The following TCP11L1 variants were observed in gnomAD, a reference collection of about 807,000 sequenced individuals.
TCP11L1 encodes t-complex 11 like 1, also known as T-complex protein 11-like protein 1.
A neutral mutation model predicts 48.9 loss-of-function variants in TCP11L1; 28 were observed. The observed-to-expected ratio is 0.57, with a 90% CI of 0.42 to 0.78. TCP11L1 has a LOEUF of 0.78. Among genes scored for constraint, TCP11L1 ranks in the 30% least tolerant of loss-of-function variants. The probability of loss-of-function intolerance (pLI) is 0.00; values close to 1 mark genes in which losing one functional copy is unlikely to be tolerated. For synonymous variants in TCP11L1, 204 were observed against 231.9 expected (o/e 0.88, Z 1.09); for missense variants, 505 against 613.4 (o/e 0.82, Z 1.87).
chr11:33,057,877 G>C, intron 4 of TCP11L1, 42 bp from the exon 5 acceptor site: 1 of 1,517,978 alleles, frequency 6.6e-7, no homozygotes, highest in Non-Finnish European at 8.9e-7. Context: ...TAGAAATGAT[G>C]TCTAAAGAAT....
intron 2 of TCP11L1, among the ~76,000 whole-genome samples, chr11:33,045,332 G>A (rs766013449): frequency 6.9e-6 from 1 of 144,856 alleles, no homozygotes; most frequent in Non-Finnish European, 1.5e-5. Flanking sequence ...CCGTCTGGGT[G>A]ACAAAGTAAG....
Position 33,059,003 on chromosome 11 carries a change from A to G in TCP11L1, c.683A>G (p.Asn228Ser), listed in dbSNP as rs1308099045. ...VLDLMKVDMA[N>S]FAISSIRPHL... ...GACCTAATGAAAGTGGACATGGCCAACTTTGCTATCAGTAGCATCAGGCCT... is the reference window on the plus strand; with the variant it reads ...GACCTAATGAAAGTGGACATGGCCAGCTTTGCTATCAGTAGCATCAGGCCT... The change falls in exon 6 of 10, where the codon AAC becomes AGC. Residue 228 changes from asparagine (N) to serine (S), a missense_variant. Coordinates refer to ENST00000334274, the MANE Select transcript of TCP11L1 (RefSeq NM_018393.4). 4 of 1,614,076 alleles carry G rather than the reference A, an allele frequency of 2.5e-6. No individual in the cohort carries two copies. The highest frequency in any genetic ancestry group is 2.2e-5 in the South Asian group (2 of 91,082).
At chr11:33,063,707 G>T (rs1854530464) in intron 7 of TCP11L1, among the ~76,000 whole-genome samples, 1 of 152,066 alleles carries the variant, frequency 6.6e-6, no homozygotes, top group African/African-American at 2.4e-5. Context: ...CTCTCTTTTT[G>T]GGGGGTACGT....
intron 9 of TCP11L1, among the ~76,000 whole-genome samples, chr11:33,069,819 C>G (rs1854725394): frequency 3.3e-5 from 5 of 152,118 alleles, no homozygotes. Context: ...GTTGGCCAGG[C>G]TGGTCTCAAA....
At chr11:33,049,875 T>TGGG (rs966946961) in intron 2 of TCP11L1, among the ~76,000 whole-genome samples, 8 of 152,170 alleles carry the variant, frequency 5.3e-5, no homozygotes, top group African/African-American at 1.9e-4. Context: ...GGTGTTGGGC[T>TGGG]GGGGGATGAT....
chr11:33,068,813 G>A lies in TCP11L1; in HGVS notation c.1281G>A (p.Gln427=). Reference sequence around the variant, plus strand: ...ACAAGGAGACCGTGCTCAAGGGCCAGATCCAGGCCGTGGCCAGTCCCGATG... The same window carrying A: ...ACAAGGAGACCGTGCTCAAGGGCCAAATCCAGGCCGTGGCCAGTCCCGATG... ...TTDKETVLKG[Q]IQAVASPDDP... Residue 427 remains glutamine, a synonymous_variant, in exon 9 of 10, where the codon CAG becomes CAA. Coordinates refer to ENST00000334274, the MANE Select transcript of TCP11L1 (RefSeq NM_018393.4). The A allele has an allele frequency of 6.2e-7, 1 of 1,614,170 alleles. No individual in the cohort carries two copies. The highest frequency in any genetic ancestry group is 8.5e-7 in the Non-Finnish European group (1 of 1,180,016).
chr11:33,046,628 G>T (rs1256345723), intron 2 of TCP11L1, among the ~76,000 whole-genome samples: 2 of 152,200 alleles, frequency 1.3e-5, no homozygotes, highest in Non-Finnish European at 2.9e-5. Context: ...CCTTTTGGCT[G>T]CCTTCCTATT....
chr11:33,056,886 A>G (rs184302265), intron 3 of TCP11L1, among the ~76,000 whole-genome samples: 1 of 152,230 alleles, frequency 6.6e-6, no homozygotes, highest in African/African-American at 2.4e-5. Context: ...AATGTTGGCT[A>G]TCCAGTTAGT....
chr11:33,070,188 G>A (rs1854740200), intron 9 of TCP11L1, among the ~76,000 whole-genome samples: 1 of 152,108 alleles, frequency 6.6e-6, no homozygotes, highest in African/African-American at 2.4e-5. Context: ...GGCTGAGGCA[G>A]GAGGATCACT....
Position 33,065,835 on chromosome 11 carries a change from T to A in TCP11L1, c.978T>A (p.Val326=), listed in dbSNP as rs1181203737. 2.5e-6 allele frequency: 4 copies of A among 1,613,576 alleles called. No individual in the cohort carries two copies. Among genetic ancestry groups the A allele is most frequent in the Non-Finnish European group, 3.4e-6 (4 of 1,179,762 alleles). Residue 326 remains valine, a synonymous_variant, in exon 8 of 10, where the codon GTT becomes GTA. Transcript: ENST00000334274. ...GCCTCTTCTATTCATTACAGACAGT[T>A]TTAATGGACCAGTCTCGCTTCCACG... ...DHLQRPFPET[V]LMDQSRFHEL...
intron 8 of TCP11L1, 130 bp downstream of exon 8, chr11:33,066,141 T>G (rs1427256649): frequency 8.2e-7 from 1 of 1,220,470 alleles, no homozygotes; most frequent in Admixed American, 2.4e-5. Flanking sequence ...GAAACCTTGC[T>G]GTCTCAGTTG....
chr11:33,070,220 G>A (rs1854741276), intron 9 of TCP11L1, among the ~76,000 whole-genome samples: 1 of 152,162 alleles, frequency 6.6e-6, no homozygotes, highest in East Asian at 1.9e-4. Flanking sequence ...GTTTGAGGCT[G>A]CAGTGAGCTA....
chr11:33,062,831 T>A (rs1381983358), intron 7 of TCP11L1, among the ~76,000 whole-genome samples: 1 of 152,250 alleles, frequency 6.6e-6, no homozygotes, highest in African/African-American at 2.4e-5. Context: ...TTCATTTATG[T>A]TGTAGTATGT....
chr11:33,043,701 C>T, intron 1 of TCP11L1, 49 bp from the exon 2 acceptor site: 1 of 1,481,050 alleles, frequency 6.8e-7, no homozygotes. Context: ...TAGTTGGTGA[C>T]AGAGCTAGAA....
chr11:33,044,659 G>A (rs1026358782), intron 2 of TCP11L1, among the ~76,000 whole-genome samples: 3 of 152,078 alleles, frequency 2.0e-5, no homozygotes, highest in Non-Finnish European at 2.9e-5. Context: ...TGGGTTTTGG[G>A]GTGTGTTTCT....
rs966541478 is a variant in TCP11L1, at chr11:33,059,199, A to C, written c.775+104A>C. 2.8e-6 allele frequency: 4 copies of C among 1,439,678 alleles called. No homozygotes were observed. The South Asian group carries it at 5.5e-5, about 20-fold the overall frequency. The allele number at this position is 1,439,678 out of a possible 1,614,324, so 89.2% of individuals were successfully genotyped here. ...TATTTTCAGAACAAAACTAAAATTT[A>C]GTAGGAGAATAGTCTAATTTGAAGA... On this transcript the variant is annotated intron_variant, in intron 6 of 9. Transcript: ENST00000334274.
At chr11:33,040,847 A>G (rs1293622869) in intron 1 of TCP11L1, 1 of 151,912 alleles carries the variant, frequency 6.6e-6, no homozygotes, top group Non-Finnish European at 1.5e-5. Context: ...TTCAAATGTC[A>G]TCTTTTCTGG....
chr11:33,043,002 G>C (rs1293819797), intron 1 of TCP11L1, among the ~76,000 whole-genome samples: 2 of 152,250 alleles, frequency 1.3e-5, no homozygotes, highest in Admixed American at 6.5e-5. Flanking sequence ...GAAGGTGGAA[G>C]TTGCAGTAAA....
At chr11:33,064,926 G>A (rs894007057) in intron 7 of TCP11L1, among the ~76,000 whole-genome samples, 6 of 152,330 alleles carry the variant, frequency 3.9e-5, no homozygotes, top group African/African-American at 1.4e-4. Context: ...CAGTAGCTGG[G>A]ACTGCAGGCA....
Sources: allele counts gnomAD v4.1 joint callset (sites outside exome capture counted in the v4.1 genomes callset), GRCh38; gene constraint gnomAD v4.1.1; transcripts MANE v1.5; gene names NCBI Gene and HGNC (gene_info 2026-07-23, HGNC 2026-07-21).